The following CDK6 variants were observed in gnomAD, a reference collection of about 807,000 sequenced individuals.
CDK6 encodes cyclin-dependent kinase 6.
CDK6 carries 6 observed loss-of-function variants against 37.1 expected under a neutral mutation model. The ratio of observed to expected loss-of-function variants is 0.16; its 90% CI spans 0.09 to 0.32. The LOEUF is 0.32. Ranked by LOEUF, CDK6 falls within the 10% of genes least tolerant of loss-of-function variation. The pLI is 1.00. For missense variants in CDK6, 224 were observed against 418.9 expected, an observed-to-expected ratio of 0.53 and a Z score of 4.06; for synonymous variants, 160 against 161.3, an observed-to-expected ratio of 0.99 and a Z score of 0.06.
intron 3 of CDK6, 91 bp downstream of exon 3, chr7:92,774,605 A>C (rs1441108889): frequency 2.3e-5 from 26 of 1,155,522 alleles, no homozygotes; most frequent in Admixed American, 5.7e-5. Flanking sequence ...AAAAGTTGTA[A>C]TTGTGGCAAT....
intron 5 of CDK6, among the ~76,000 whole-genome samples, chr7:92,646,880 T>G (rs1373608101): frequency 6.6e-6 from 1 of 152,176 alleles, no homozygotes; most frequent in African/African-American, 2.4e-5. Context: ...TTTATACTGT[T>G]TTGATTAGTA....
chr7:92,798,197 G>GA (rs567524555), intron 2 of CDK6, among the ~76,000 whole-genome samples: 13 of 151,468 alleles, frequency 8.6e-5, no homozygotes, highest in Non-Finnish European at 1.6e-4. Flanking sequence ...ATAAAAAGCA[G>GA]AAAAAAAACA....
rs1795562855 is a variant in CDK6, at chr7:92,611,551, G to A, written c.*3589C>T. On this transcript the variant is annotated 3_prime_UTR_variant, in exon 8 of 8. Transcript: ENST00000424848. The stretch of plus-strand genomic sequence containing the variant: ...CAATGGAACAATAATGGCCATTACT[G>A]ACTTTAATAGGCACCACTTGTAAAA... 1 of 227,894 alleles carries A rather than the reference G, an allele frequency of 4.4e-6. No homozygotes were observed. 14.1% of individuals were successfully genotyped at this position (227,894 alleles called of 1,614,324 possible).
intron 5 of CDK6, among the ~76,000 whole-genome samples, chr7:92,653,359 T>C (rs1796618210): frequency 6.6e-6 from 1 of 152,366 alleles, no homozygotes; most frequent in African/African-American, 2.4e-5. Flanking sequence ...TTTGAAATCC[T>C]GACACAGAAG....
chr7:92,723,233 GA>G (rs572079018), intron 4 of CDK6, among the ~76,000 whole-genome samples: 27 of 152,230 alleles, frequency 1.8e-4, no homozygotes, highest in Admixed American at 8.5e-4. Context: ...AGAGGAAAAA[GA>G]AATTAATTTC....
chr7:92,767,715 A>T (rs1799616889), intron 3 of CDK6, among the ~76,000 whole-genome samples: 1 of 151,068 alleles, frequency 6.6e-6, no homozygotes, highest in Non-Finnish European at 1.5e-5. Flanking sequence ...TATAGTCTTT[A>T]AAAAAAAACC....
At chr7:92,636,200 G>T (rs770402278) in intron 5 of CDK6, among the ~76,000 whole-genome samples, 3 of 151,926 alleles carry the variant, frequency 2.0e-5, no homozygotes, top group Middle Eastern at 3.2e-3. Context: ...GACCACAGGG[G>T]CATGCCACCA....
At chr7:92,646,311 C>T (rs987534661) in intron 5 of CDK6, among the ~76,000 whole-genome samples, 3 of 152,204 alleles carry the variant, frequency 2.0e-5, no homozygotes, top group Non-Finnish European at 4.4e-5. Context: ...TTATAACCTC[C>T]TTCAGGCTCA....
At chr7:92,642,742 G>T (rs1585361614) in intron 5 of CDK6, among the ~76,000 whole-genome samples, 1 of 152,050 alleles carries the variant, frequency 6.6e-6, no homozygotes, top group South Asian at 2.1e-4. Flanking sequence ...GAGGTTGAGG[G>T]ATGGTTAATG....
intron 4 of CDK6, among the ~76,000 whole-genome samples, chr7:92,679,376 G>A (rs144350872): frequency 6.6e-6 from 1 of 152,236 alleles, no homozygotes; most frequent in African/African-American, 2.4e-5. Context: ...ACCCAACAAC[G>A]TTATCGTTAA....
Position 92,623,106 on chromosome 7 carries a change from T to C in CDK6, c.648-20A>G. The C allele has an allele frequency of 6.7e-7, 1 of 1,486,720 alleles. No individual in the cohort carries two copies. The highest frequency in any genetic ancestry group is 9.3e-7 in the Non-Finnish European group (1 of 1,072,216). The allele number at this position is 1,486,720 out of a possible 1,614,324, so 92.1% of individuals were successfully genotyped here. ...AGAGGCCTAAAAGAATAAAGATACA[T>C]TTTAAATAAGAAATGTTCTCAGATT... On this transcript the variant is annotated intron_variant, in intron 5 of 7. Coordinates refer to ENST00000424848, the MANE Select transcript of CDK6 (RefSeq NM_001145306.2).
intron 5 of CDK6, among the ~76,000 whole-genome samples, chr7:92,629,422 A>C (rs535369995): frequency 0.2 from 30,935 of 152,030 alleles, 3,832 homozygotes; most frequent in Middle Eastern, 0.36. Flanking sequence ...AGAAAGAAAG[A>C]GAGGGAGAGC....
chr7:92,626,424 T>C (rs1211116721), intron 5 of CDK6, among the ~76,000 whole-genome samples: 1 of 152,090 alleles, frequency 6.6e-6, no homozygotes, highest in Non-Finnish European at 1.5e-5. Flanking sequence ...AATCGTTTCA[T>C]CTTAATAGAA....
chr7:92,779,970 C>G (rs1023771294), intron 2 of CDK6, among the ~76,000 whole-genome samples: 1 of 151,982 alleles, frequency 6.6e-6, no homozygotes, highest in Non-Finnish European at 1.5e-5. Context: ...AAAACAGAAA[C>G]TTTATTTTTA....
At chr7:92,699,552 A>G (rs1384267728) in intron 4 of CDK6, among the ~76,000 whole-genome samples, 2 of 152,252 alleles carry the variant, frequency 1.3e-5, no homozygotes, top group Non-Finnish European at 2.9e-5. Context: ...TGGGTGAAAT[A>G]CAGATATATC....
rs142732929 is a variant in CDK6 at position 92,622,793 on chromosome 7, A to G, written c.698+243T>C. Among the ~76,000 whole-genome samples the G allele has an allele frequency of 1.8e-3, 273 of 152,170 alleles. 2 individuals are homozygous for G. The highest frequency in any genetic ancestry group is 6.4e-3 in the African/African-American group (264 of 41,524). Reference sequence around the variant, plus strand: ...AACTGGAGCTCAGCCACACGAAGAAAGAGGAGCAGCAAAAAGATCCACACA... The same window carrying G: ...AACTGGAGCTCAGCCACACGAAGAAGGAGGAGCAGCAAAAAGATCCACACA... On this transcript the variant is annotated intron_variant, in intron 6 of 7. Transcript: ENST00000424848.
At chr7:92,771,808 T>G (rs1042125317) in intron 3 of CDK6, among the ~76,000 whole-genome samples, 1 of 152,306 alleles carries the variant, frequency 6.6e-6, no homozygotes, top group South Asian at 2.1e-4. Context: ...GTGTTCCCAA[T>G]AGGTTGTTCA....
At chr7:92,832,120 A>G (rs571645714) in intron 2 of CDK6, among the ~76,000 whole-genome samples, 10 of 152,228 alleles carry the variant, frequency 6.6e-5, no homozygotes, top group Non-Finnish European at 1.5e-4. Context: ...GTTTCTAGGC[A>G]TTCCTTTTCA....
chr7:92,735,904 G>A (rs1030580730), intron 3 of CDK6, among the ~76,000 whole-genome samples: 2 of 152,126 alleles, frequency 1.3e-5, no homozygotes, highest in African/African-American at 4.8e-5. Flanking sequence ...CTTGCCAAGT[G>A]GAGGCATAAA....
Sources: gnomAD v4.1 joint callset for allele counts (sites outside exome capture counted in the v4.1 genomes callset) on GRCh38, gnomAD v4.1.1 for gene constraint, MANE v1.5 for transcripts, NCBI Gene and HGNC (gene_info 2026-07-23, HGNC 2026-07-21) for gene names.